The following C12orf54 variants were observed in gnomAD, a reference collection of about 807,000 sequenced individuals.
The protein encoded by C12orf54 is uncharacterized protein C12orf54.
C12orf54 carries 24 observed loss-of-function variants against 26.4 expected under a neutral mutation model. That is an observed-to-expected ratio of 0.91 (90% CI 0.66 to 1.28). The LOEUF is 1.28. C12orf54 is among the 50% of genes most tolerant of loss of function. The pLI is 0.00. For synonymous variants in C12orf54, 54 were observed against 47.0 expected, an observed-to-expected ratio of 1.15 and a Z score of -0.61; for missense variants, 154 against 150.9, an observed-to-expected ratio of 1.02 and a Z score of -0.11.
chr12:48,433,484 G>T, the C12orf54 span, among the ~76,000 whole-genome samples: 4 of 145,258 alleles, frequency 2.8e-5, no homozygotes, highest in African/African-American at 7.9e-5. Context: ...ATCTTGCTCT[G>T]TTGCCCAGGC....
chr12:48,455,384 T>C, the C12orf54 span, among the ~76,000 whole-genome samples: 1 of 152,326 alleles, frequency 6.6e-6, no homozygotes, highest in Non-Finnish European at 1.5e-5. Context: ...TCTTTGCTAT[T>C]GTGAAAAGCG....
chr12:48,442,847 A>G, the C12orf54 span: 1 of 156,806 alleles, frequency 6.4e-6, no homozygotes, highest in Non-Finnish European at 1.4e-5. Flanking sequence ...CACAGTCAGG[A>G]GGCAAATCAC....
the C12orf54 span, among the ~76,000 whole-genome samples, chr12:48,470,733 C>A: frequency 6.6e-6 from 1 of 151,864 alleles, no homozygotes; most frequent in Non-Finnish European, 1.5e-5. Context: ...GCCAAAAATT[C>A]TTTGCCAAGG....
At chr12:48,435,117 C>T in the C12orf54 span, among the ~76,000 whole-genome samples, 1 of 152,106 alleles carries the variant, frequency 6.6e-6, no homozygotes, top group Admixed American at 6.6e-5. Context: ...GACAAATGCA[C>T]AAGCCTCAGT....
At chr12:48,414,571 G>A in the C12orf54 span, among the ~76,000 whole-genome samples, 14 of 152,242 alleles carry the variant, frequency 9.2e-5, no homozygotes, top group East Asian at 2.3e-3. Flanking sequence ...TCAGAGGATG[G>A]CTCCTAGCCA....
chr12:48,474,821 C>T, the C12orf54 span, among the ~76,000 whole-genome samples: 3 of 152,234 alleles, frequency 2.0e-5, no homozygotes, highest in Non-Finnish European at 4.4e-5. Context: ...CCTCTAGGGG[C>T]AGGGCACAGA....
the C12orf54 span, among the ~76,000 whole-genome samples, chr12:48,415,397 T>G: frequency 6.6e-6 from 1 of 152,326 alleles, no homozygotes; most frequent in African/African-American, 2.4e-5. Flanking sequence ...TAGCTGAAAC[T>G]TCTCTCATCA....
At chr12:48,486,567 AT>A in intron 3 of C12orf54, 120 bp from the exon 4 acceptor site, 1 of 1,039,448 alleles carries the variant, frequency 9.6e-7, no homozygotes, top group Non-Finnish European at 1.4e-6. Context: ...AAATGGGGTG[AT>A]TTTGGGTGTC....
the C12orf54 span, among the ~76,000 whole-genome samples, chr12:48,457,300 TG>T: frequency 6.6e-6 from 1 of 151,712 alleles, no homozygotes; most frequent in Non-Finnish European, 1.5e-5. Flanking sequence ...GTGGTGGTGG[TG>T]GTGGTGGTGG....
chr12:48,446,668 C>T, the C12orf54 span, among the ~76,000 whole-genome samples: 4 of 152,078 alleles, frequency 2.6e-5, no homozygotes, highest in African/African-American at 4.8e-5. Flanking sequence ...AAGTGACTCA[C>T]GGCTTATTTT....
At chr12:48,464,745 G>A in the C12orf54 span, among the ~76,000 whole-genome samples, 1 of 152,012 alleles carries the variant, frequency 6.6e-6, no homozygotes, top group African/African-American at 2.4e-5. Context: ...GAACAGAATA[G>A]AGAACTCAAA....
chr12:48,451,807 A>G, the C12orf54 span, among the ~76,000 whole-genome samples: 1 of 152,230 alleles, frequency 6.6e-6, no homozygotes, highest in Non-Finnish European at 1.5e-5. Flanking sequence ...CTTCAAAGAG[A>G]ACTGCAAACC....
At chr12:48,468,143 C>G in the C12orf54 span, among the ~76,000 whole-genome samples, 16 of 152,266 alleles carry the variant, frequency 1.1e-4, no homozygotes, top group African/African-American at 3.6e-4. Flanking sequence ...ACAAACAAAA[C>G]TATTAGGTAT....
At chr12:48,427,891 A>C in the C12orf54 span, among the ~76,000 whole-genome samples, 1 of 152,106 alleles carries the variant, frequency 6.6e-6, no homozygotes, top group African/African-American at 2.4e-5. Flanking sequence ...AGTGCATAGA[A>C]CTTTCTCCAA....
At chr12:48,482,649 G>C (rs1954210065) in intron 1 of C12orf54, 73 bp downstream of exon 1, 1 of 152,260 alleles carries the variant, frequency 6.6e-6, no homozygotes, top group African/African-American at 2.4e-5. Flanking sequence ...AGTGGGAAAA[G>C]TGGGAGGGAA....
At chr12:48,425,959 AG>A in the C12orf54 span, among the ~76,000 whole-genome samples, 1 of 134,732 alleles carries the variant, frequency 7.4e-6, no homozygotes, top group African/African-American at 2.9e-5. Flanking sequence ...AATTTGTTTA[AG>A]TTCCTTATAG....
the C12orf54 span, chr12:48,472,608 G>C: frequency 6.2e-7 from 1 of 1,601,830 alleles, no homozygotes; most frequent in Non-Finnish European, 8.5e-7. Flanking sequence ...TTGTGGGTTC[G>C]GGGTTTATTG....
the C12orf54 span, among the ~76,000 whole-genome samples, chr12:48,429,676 A>G: frequency 6.6e-6 from 1 of 152,208 alleles, no homozygotes; most frequent in South Asian, 2.1e-4. Flanking sequence ...TGACACAAAC[A>G]AATGGAAACA....
At chr12:48,423,818 A>G in the C12orf54 span, among the ~76,000 whole-genome samples, 4 of 152,046 alleles carry the variant, frequency 2.6e-5, no homozygotes, top group Non-Finnish European at 5.9e-5. Context: ...TTTCATTTCA[A>G]TCTATCTTTT....
Sources: allele counts gnomAD v4.1 joint callset (sites outside exome capture counted in the v4.1 genomes callset), GRCh38; gene constraint gnomAD v4.1.1; transcripts MANE v1.5; gene names NCBI Gene and HGNC (gene_info 2026-07-23, HGNC 2026-07-21).